Variants in CLSTN2 observed in about 807,000 individuals in gnomAD.
CLSTN2 encodes the protein calsyntenin 2.
CLSTN2 carries 48 observed loss-of-function variants against 101.2 expected under a neutral mutation model. That is an observed-to-expected ratio of 0.47 (90% confidence interval 0.38 to 0.60). The LOEUF (loss-of-function observed/expected upper bound fraction) is 0.60. Ranked by LOEUF, CLSTN2 falls within the 20% of genes least tolerant of loss-of-function variation. CLSTN2 has a pLI of 0.00. For synonymous variants in CLSTN2, 481 were observed against 463.6 expected (o/e 1.04, Z -0.48); for missense variants, 1,160 against 1,238.2 (o/e 0.94, Z 0.95).
chr3:140,047,306 A>G (rs2007900538), intron 1 of CLSTN2, among the ~76,000 whole-genome samples: 1 of 152,192 alleles, frequency 6.6e-6, no homozygotes, highest in Non-Finnish European at 1.5e-5. Flanking sequence ...ATAGTAATAT[A>G]GTGAGTACAT....
Position 140,558,736 on chromosome 3 carries a change from A to G in CLSTN2, c.1920A>G (p.Thr640=), listed in dbSNP as rs377242648. ...AIEPRITLRG[T]DHFWRPAAQF... ...AGCCCCGGATCACCCTCCGGGGCAC[A>G]GACCACTTCTGGAGACCTGCTGCCC... Residue 640 remains threonine (T), a synonymous_variant, in exon 12 of 17, where the codon ACA becomes ACG. Coordinates refer to ENST00000458420, the MANE Select transcript of CLSTN2 (RefSeq NM_022131.3). 6.2e-7 allele frequency: 1 copy of G among 1,614,150 alleles called. No homozygotes were observed. The highest frequency in any genetic ancestry group is 2.2e-5 in the East Asian group (1 of 44,882).
chr3:140,348,384 G>A (rs562258810), intron 2 of CLSTN2, among the ~76,000 whole-genome samples: 1 of 152,178 alleles, frequency 6.6e-6, no homozygotes, highest in Non-Finnish European at 1.5e-5. Flanking sequence ...TATTCATGCC[G>A]TGATTTAGAG....
At chr3:140,178,217 C>G (rs1428435134) in intron 2 of CLSTN2, among the ~76,000 whole-genome samples, 1 of 151,896 alleles carries the variant, frequency 6.6e-6, no homozygotes, top group Non-Finnish European at 1.5e-5. Context: ...TATAAGCTCT[C>G]TAATGTACAG....
chr3:140,395,952 C>T (rs943492535), intron 2 of CLSTN2, among the ~76,000 whole-genome samples: 3 of 152,158 alleles, frequency 2.0e-5, no homozygotes, highest in African/African-American at 7.2e-5. Context: ...TTTATAAGAG[C>T]CAGCTATTTC....
chr3:140,530,408 T>C (rs1935233895), intron 8 of CLSTN2, among the ~76,000 whole-genome samples: 1 of 152,214 alleles, frequency 6.6e-6, no homozygotes, highest in Admixed American at 6.5e-5. Flanking sequence ...AGAATCACTG[T>C]TTTTATGCTG....
chr3:140,281,980 A>G (rs1383467486), intron 2 of CLSTN2, among the ~76,000 whole-genome samples: 2 of 152,178 alleles, frequency 1.3e-5, no homozygotes, highest in African/African-American at 4.8e-5. Flanking sequence ...CCAATGAAAT[A>G]AAATGTAATA....
chr3:140,067,250 C>T (rs958660573), intron 1 of CLSTN2, among the ~76,000 whole-genome samples: 2 of 152,096 alleles, frequency 1.3e-5, no homozygotes, highest in Admixed American at 1.3e-4. Flanking sequence ...TGGGGCTGAA[C>T]AGCATTTGGT....
intron 7 of CLSTN2, chr3:140,460,949 T>C (rs887342717): frequency 1.3e-5 from 2 of 152,052 alleles, no homozygotes; most frequent in African/African-American, 4.8e-5. Context: ...CTTTGAGGAG[T>C]TGCTAATCTC....
intron 2 of CLSTN2, among the ~76,000 whole-genome samples, chr3:140,283,034 C>A (rs961861945): frequency 1.3e-5 from 2 of 152,088 alleles, no homozygotes; most frequent in African/African-American, 2.4e-5. Context: ...GCTCATGGAG[C>A]TGGGAATGAG....
At chr3:140,516,668 G>A (rs963850709) in intron 8 of CLSTN2, among the ~76,000 whole-genome samples, 5 of 151,982 alleles carry the variant, frequency 3.3e-5, no homozygotes, top group African/African-American at 1.2e-4. Context: ...GCTACAGATA[G>A]GGCCCCAATC....
chr3:140,541,784 A>G (rs1935484533), intron 9 of CLSTN2, among the ~76,000 whole-genome samples: 1 of 151,966 alleles, frequency 6.6e-6, no homozygotes, highest in Non-Finnish European at 1.5e-5. Context: ...GGTGTTCTTT[A>G]TGACTCTGGG....
At chr3:140,030,445 G>C (rs1340953056) in intron 1 of CLSTN2, among the ~76,000 whole-genome samples, 2 of 152,068 alleles carry the variant, frequency 1.3e-5, no homozygotes, top group Admixed American at 1.3e-4. Context: ...AGGAGAGTGG[G>C]TAGGGGTGGG....
intron 1 of CLSTN2, among the ~76,000 whole-genome samples, chr3:140,053,889 C>G (rs1292493146): frequency 6.6e-6 from 1 of 152,052 alleles, no homozygotes; most frequent in African/African-American, 2.4e-5. Flanking sequence ...TGTAAGGAAC[C>G]TTTTTCACTG....
intron 8 of CLSTN2, among the ~76,000 whole-genome samples, chr3:140,489,898 A>C (rs1934309191): frequency 6.6e-6 from 1 of 150,836 alleles, no homozygotes; most frequent in Admixed American, 6.6e-5. Context: ...TTCTTTTGCC[A>C]GAGAAATAGT....
intron 8 of CLSTN2, among the ~76,000 whole-genome samples, chr3:140,490,581 C>G (rs1030825137): frequency 7.4e-6 from 1 of 135,830 alleles, no homozygotes; most frequent in Admixed American, 8.4e-5. Context: ...GGTGACAGAG[C>G]GAGACCTTGT....
At chr3:139,975,182 A>G (rs894491211) in intron 1 of CLSTN2, among the ~76,000 whole-genome samples, 1 of 152,178 alleles carries the variant, frequency 6.6e-6, no homozygotes, top group African/African-American at 2.4e-5. Context: ...GTAGCTTCCT[A>G]GAGCCCTAAG....
intron 8 of CLSTN2, among the ~76,000 whole-genome samples, chr3:140,485,517 C>A (rs888998858): frequency 3.3e-5 from 5 of 152,220 alleles, no homozygotes; most frequent in African/African-American, 4.8e-5. Context: ...GCAGAGGTTT[C>A]TGCTGCCTTT....
intron 1 of CLSTN2, among the ~76,000 whole-genome samples, chr3:140,038,849 A>T (rs1400222721): frequency 6.6e-6 from 1 of 152,186 alleles, no homozygotes; most frequent in Non-Finnish European, 1.5e-5. Flanking sequence ...ATTAGGTCAA[A>T]CTATAAGAAA....
chr3:140,305,237 T>A (rs1282886086), intron 2 of CLSTN2, among the ~76,000 whole-genome samples: 4 of 151,952 alleles, frequency 2.6e-5, no homozygotes, highest in African/African-American at 9.7e-5. Context: ...ATTTGTATAT[T>A]ATTATTTATC....
Sources: allele counts gnomAD v4.1 joint callset (sites outside exome capture counted in the v4.1 genomes callset), GRCh38; gene constraint gnomAD v4.1.1; transcripts MANE v1.5; gene names NCBI Gene and HGNC (gene_info 2026-07-23, HGNC 2026-07-21).